Variants in HOMER1 observed in about 807,000 individuals in gnomAD.
HOMER1 encodes homer protein homolog 1.
Under a neutral mutation model 48.9 loss-of-function variants are expected in HOMER1, and 3 were observed. The ratio of observed to expected loss-of-function variants is 0.06; its 90% CI spans 0.03 to 0.16. The LOEUF (loss-of-function observed/expected upper bound fraction) is 0.16, where lower values mean the gene tolerates loss of function less well. Ranked by LOEUF, HOMER1 falls within the 10% of genes least tolerant of loss-of-function variation. HOMER1 has a pLI of 1.00. For missense variants in HOMER1, 247 were observed against 411.4 expected, an observed-to-expected ratio of 0.60 and a Z score of 3.46; for synonymous variants, 134 against 146.4, an observed-to-expected ratio of 0.92 and a Z score of 0.61.
chr5:79,397,032 T>C (rs1370523807), intron 7 of HOMER1, 129 bp from the exon 8 acceptor site: 2 of 579,794 alleles, frequency 3.4e-6, no homozygotes, highest in Non-Finnish European at 6.0e-6. Context: ...TCATATTGAC[T>C]TTTAGAGGGA....
rs1753021064 is a variant in HOMER1 at position 79,513,928 on chromosome 5, G to A, written c.-1154C>T. 3 of 155,442 alleles carry A rather than the reference G, an allele frequency of 1.9e-5. No homozygotes were observed. The highest frequency in any genetic ancestry group is 4.3e-5 in the Non-Finnish European group (3 of 70,324). The allele number at this position is 155,442 out of a possible 1,614,324, so 9.6% of individuals were successfully genotyped here. On this transcript the variant is annotated 5_prime_UTR_variant, in exon 1 of 9. Transcript: ENST00000334082. ...CTCACGCTCCGCGCCGCCGCCACGC[G>A]CCGCCTCACATTCCCCGGGCCCCGC...
intron 5 of HOMER1, among the ~76,000 whole-genome samples, chr5:79,426,756 T>C (rs994058308): frequency 2.0e-5 from 3 of 152,014 alleles, no homozygotes; most frequent in African/African-American, 7.2e-5. Flanking sequence ...TAGTTAACAA[T>C]AATTTATTAT....
rs146893612 is a variant in HOMER1, at chr5:79,495,820, T to C, written c.5+16950A>G. Among the ~76,000 whole-genome samples, 110 of 152,346 alleles carry C rather than the reference T, an allele frequency of 7.2e-4. No individual in the cohort carries two copies. In the Middle Eastern group the frequency reaches 0.02, roughly 28 times the overall value. ...TTATCATCCGCCAAATTCCAATCAATTAACTGTCAACAGTGTCAACACATT... is the reference window on the plus strand; with the variant it reads ...TTATCATCCGCCAAATTCCAATCAACTAACTGTCAACAGTGTCAACACATT... On this transcript the variant is annotated intron_variant, in intron 1 of 8. Coordinates refer to ENST00000334082, the MANE Select transcript of HOMER1 (RefSeq NM_004272.5).
intron 4 of HOMER1, among the ~76,000 whole-genome samples, chr5:79,442,190 G>T (rs922447593): frequency 6.6e-6 from 1 of 151,894 alleles, no homozygotes; most frequent in Non-Finnish European, 1.5e-5. Flanking sequence ...CAGTAACACT[G>T]AAGAAAAAAT....
intron 1 of HOMER1, among the ~76,000 whole-genome samples, chr5:79,463,912 T>TA (rs1424013113): frequency 3.3e-5 from 5 of 152,172 alleles, no homozygotes; most frequent in East Asian, 1.9e-4. Context: ...AGCTTTCAAT[T>TA]AAAAAAATAG....
chr5:79,406,443 T>A (rs1156821827), intron 5 of HOMER1, among the ~76,000 whole-genome samples: 1 of 152,204 alleles, frequency 6.6e-6, no homozygotes, highest in Non-Finnish European at 1.5e-5. Context: ...GAGCCAGAGA[T>A]ACAAAAGGGA....
chr5:79,422,269 T>G (rs1750123188), intron 5 of HOMER1, among the ~76,000 whole-genome samples: 1 of 152,122 alleles, frequency 6.6e-6, no homozygotes, highest in African/African-American at 2.4e-5. Context: ...TGTGCTGACT[T>G]AACTGAAATA....
In HOMER1 at chr5:79,481,758, T is replaced by C. The variant is rs1387274265; in HGVS notation, c.6-24740A>G. 5.3e-5 allele frequency among the ~76,000 whole-genome samples: 8 copies of C among 152,202 alleles called. No homozygotes were observed. In the East Asian group the frequency reaches 9.6e-4, roughly 18 times the overall value. ...GCCAGAAGGGAGAGCACATGGGACATTGGGTAAAGTTTCCATAAAGGCATC... is the reference window on the plus strand; with the variant it reads ...GCCAGAAGGGAGAGCACATGGGACACTGGGTAAAGTTTCCATAAAGGCATC... On this transcript the variant is annotated intron_variant, in intron 1 of 8. Transcript: ENST00000334082.
chr5:79,500,836 G>A (rs1752555487), intron 1 of HOMER1, among the ~76,000 whole-genome samples: 1 of 151,792 alleles, frequency 6.6e-6, no homozygotes, highest in Admixed American at 6.6e-5. Flanking sequence ...TGTTGGCCAG[G>A]CTGGTCTCAA....
chr5:79,460,384 T>C (rs1751287467), intron 1 of HOMER1, among the ~76,000 whole-genome samples: 1 of 152,186 alleles, frequency 6.6e-6, no homozygotes, highest in Non-Finnish European at 1.5e-5. Context: ...GCCAAGATCA[T>C]GCCACTGCAC....
Position 79,396,869 on chromosome 5 carries a change from G to A in HOMER1, c.830C>T (p.Ala277Val). ...IERLKQEIDNARELQEQRDSL... is the reference protein window; with the variant it reads ...IERLKQEIDNVRELQEQRDSL... ...ATCCCTCTGTTCTTGTAGTTCTCTG[G>A]CATTATCAATTTCTTGTTTTAACCT... Residue 277 changes from alanine (A) to valine (V), a missense_variant, in exon 8 of 9, where the codon GCC becomes GTC. Ala to Val is a moderately conservative substitution (Grantham distance 64, BLOSUM62 0). Transcript: ENST00000334082. 1 of 1,602,566 alleles carries A rather than the reference G, an allele frequency of 6.2e-7. No homozygotes were observed. The highest frequency in any genetic ancestry group is 8.5e-7 in the Non-Finnish European group (1 of 1,171,402).
At chr5:79,410,606 TAATA>T (rs1749792186) in intron 5 of HOMER1, among the ~76,000 whole-genome samples, 1 of 152,018 alleles carries the variant, frequency 6.6e-6, no homozygotes, top group Non-Finnish European at 1.5e-5. Flanking sequence ...TCATCAAGTA[TAATA>T]AATGCTCCTA....
At chr5:79,386,977 TTCCC>T (rs1749128859) in intron 8 of HOMER1, among the ~76,000 whole-genome samples, 1 of 124,880 alleles carries the variant, frequency 8.0e-6, no homozygotes, top group Non-Finnish European at 1.6e-5. Context: ...CCCTTCTTCC[TTCCC>T]TCCCTCTCTG....
In HOMER1 at chr5:79,418,752, C is replaced by G. The variant is rs541541367; in HGVS notation, c.528-16697G>C. 2.0e-5 allele frequency among the ~76,000 whole-genome samples: 3 copies of G among 152,278 alleles called. No individual in the cohort carries two copies. In the South Asian group the frequency reaches 6.2e-4, roughly 32 times the overall value. ...CTTCCATACCACAGCAATATTAAGA[C>G]GCCCACCCGTAAGGTTTTTCAAACT... On this transcript the variant is annotated intron_variant, in intron 5 of 8. Coordinates refer to ENST00000334082, the MANE Select transcript of HOMER1 (RefSeq NM_004272.5).
chr5:79,405,192 C>T (rs1398158940), intron 5 of HOMER1, among the ~76,000 whole-genome samples: 1 of 151,968 alleles, frequency 6.6e-6, no homozygotes, highest in African/African-American at 2.4e-5. Flanking sequence ...GGTGTCCTTA[C>T]AAGAGGAGGG....
intron 1 of HOMER1, among the ~76,000 whole-genome samples, chr5:79,462,310 C>G (rs888347397): frequency 6.6e-6 from 1 of 152,314 alleles, no homozygotes; most frequent in African/African-American, 2.4e-5. Flanking sequence ...GTAATTCAAA[C>G]TACTTTACTG....
rs542707510 is a variant in HOMER1, at chr5:79,387,446, G to C, written c.876+9377C>G. 2.6e-5 allele frequency among the ~76,000 whole-genome samples: 4 copies of C among 152,120 alleles called. No individual in the cohort carries two copies. The South Asian group carries it at 8.3e-4, about 32-fold the overall frequency. ...TTAATTTTCTATAAATTTAAATCTT[G>C]CATCATTTAATCTAAATAAAAGCTG... On this transcript the variant is annotated intron_variant, in intron 8 of 8. Transcript: ENST00000334082.
At chr5:79,470,505 A>C (rs1453097544) in intron 1 of HOMER1, among the ~76,000 whole-genome samples, 2 of 152,210 alleles carry the variant, frequency 1.3e-5, no homozygotes, top group Non-Finnish European at 2.9e-5. Context: ...ATAGTATGAA[A>C]ACAGCACTCC....
At chr5:79,465,109 G>A (rs147085908) in intron 1 of HOMER1, among the ~76,000 whole-genome samples, 209 of 152,164 alleles carry the variant, frequency 1.4e-3, no homozygotes, top group African/African-American at 4.8e-3. Flanking sequence ...GGCCAAAGCG[G>A]GAGGATCGCT....
Sources: allele counts gnomAD v4.1 joint callset (sites outside exome capture counted in the v4.1 genomes callset), GRCh38; gene constraint gnomAD v4.1.1; transcripts MANE v1.5; gene names NCBI Gene and HGNC (gene_info 2026-07-23, HGNC 2026-07-21).